The following WDFY1 variants were observed in gnomAD, a reference collection of about 807,000 sequenced individuals.
WDFY1 encodes WD repeat and FYVE domain-containing protein 1.
In WDFY1, 32 loss-of-function variants were observed where a neutral mutation model predicts 56.4. The observed-to-expected ratio is 0.57, with a 90% CI of 0.43 to 0.76. WDFY1 has a LOEUF of 0.76. Ranked by LOEUF, WDFY1 falls within the 30% of genes least tolerant of loss-of-function variation. WDFY1 has a pLI of 0.00. For missense variants in WDFY1, 480 were observed against 545.7 expected (o/e 0.88, Z 1.20); for synonymous variants, 192 against 197.3 (o/e 0.97, Z 0.23).
intron 6 of WDFY1, among the ~76,000 whole-genome samples, chr2:223,895,932 C>T (rs765486276): frequency 6.6e-6 from 1 of 151,638 alleles, no homozygotes; most frequent in African/African-American, 2.4e-5. Flanking sequence ...CCAAGGAGGG[C>T]GAATCACTTG....
chr2:223,936,397 G>A (rs1300747827), intron 1 of WDFY1, among the ~76,000 whole-genome samples: 1 of 152,068 alleles, frequency 6.6e-6, no homozygotes, highest in East Asian at 1.9e-4. Flanking sequence ...TAAATAAGGA[G>A]CTAATGAAAG....
intron 1 of WDFY1, among the ~76,000 whole-genome samples, chr2:223,938,734 G>C (rs1478435928): frequency 6.6e-6 from 1 of 151,964 alleles, no homozygotes; most frequent in African/African-American, 2.4e-5. Flanking sequence ...TTGGAGTGCT[G>C]ACCGTATCTA....
At position 223,876,928 on chromosome 2, in the gene WDFY1, C is replaced by T. The variant is rs1692982200; in HGVS notation, c.*1743G>A. On this transcript the variant is annotated 3_prime_UTR_variant, in exon 12 of 12. Coordinates refer to ENST00000233055, the MANE Select transcript of WDFY1 (RefSeq NM_020830.5). ...CTTAACATTCAACATTGTGCTTGAA[C>T]AAAACTTACCACTACTCAATTTTTC... The T allele has an allele frequency of 6.6e-6, 1 of 152,152 alleles. No individual in the cohort carries two copies. The highest frequency in any genetic ancestry group is 1.5e-5 in the Non-Finnish European group (1 of 68,026). 9.4% of individuals were successfully genotyped at this position (152,152 alleles called of 1,614,324 possible).
In WDFY1 at chr2:223,884,863, T is replaced by TTTTC. The variant is rs1693145374; in HGVS notation, c.832-115_832-114insGAAA. 3.8e-6 allele frequency: 3 copies of TTTTC among 790,600 alleles called. No homozygotes were observed. In the African/African-American group the frequency reaches 5.2e-5, roughly 14 times the overall value. The allele number at this position is 790,600 out of a possible 1,614,324, so 49.0% of individuals were successfully genotyped here. A position where few individuals can be genotyped will look rare whatever the true frequency, so the allele number is the denominator to read the frequency against. ...AAGGTTAGTATTTCTTTTCTTCTTT[T>TTTTC]TTTTTTTTTTTTGGTCTCCCAGGCT... On this transcript the variant is annotated intron_variant, in intron 8 of 11. Coordinates refer to ENST00000233055, the MANE Select transcript of WDFY1 (RefSeq NM_020830.5).
At chr2:223,909,942 C>T (rs2106087575) in intron 3 of WDFY1, among the ~76,000 whole-genome samples, 1 of 152,344 alleles carries the variant, frequency 6.6e-6, no homozygotes, top group African/African-American at 2.4e-5. Context: ...TTAACAGCTT[C>T]TCACTGCAAT....
intron 2 of WDFY1, among the ~76,000 whole-genome samples, chr2:223,913,714 AT>A (rs1693741134): frequency 6.6e-6 from 1 of 152,008 alleles, no homozygotes; most frequent in African/African-American, 2.4e-5. Context: ...CTTCTTTTCA[AT>A]TTTTTTAATG....
chr2:223,917,654 A>T (rs1277798300), intron 2 of WDFY1, among the ~76,000 whole-genome samples: 1 of 151,802 alleles, frequency 6.6e-6, no homozygotes, highest in African/African-American at 2.4e-5. Context: ...ACCCATTGCA[A>T]CCTCCAACTC....
chr2:223,894,211 C>T (rs375388323), intron 8 of WDFY1, 23 bp downstream of exon 8: 363 of 1,613,410 alleles, frequency 2.2e-4, no homozygotes, highest in Non-Finnish European at 2.9e-4. Flanking sequence ...CCCGATCAGC[C>T]TGGACTTGCC....
At chr2:223,930,573 C>T (rs1020462210) in intron 1 of WDFY1, among the ~76,000 whole-genome samples, 2 of 152,228 alleles carry the variant, frequency 1.3e-5, no homozygotes, top group South Asian at 2.1e-4. Context: ...TCACGTGATC[C>T]GCCCTCCTTG....
intron 1 of WDFY1, among the ~76,000 whole-genome samples, chr2:223,922,787 C>G (rs915532295): frequency 5.7e-4 from 87 of 152,312 alleles, no homozygotes; most frequent in Non-Finnish European, 8.1e-4. Context: ...AAGGTTGTCT[C>G]TTCCAACCAA....
intron 10 of WDFY1, 58 bp downstream of exon 10, chr2:223,881,884 G>C (rs1693079312): frequency 6.3e-7 from 1 of 1,589,928 alleles, no homozygotes; most frequent in African/African-American, 1.3e-5. Flanking sequence ...TCACATTTCA[G>C]AGAACCATTA....
intron 11 of WDFY1, 123 bp from the exon 12 acceptor site, chr2:223,878,853 T>G: frequency 8.2e-7 from 1 of 1,225,642 alleles, no homozygotes; most frequent in Non-Finnish European, 1.1e-6. Flanking sequence ...AATTTTCTCA[T>G]TCTCCTCTTT....
chr2:223,918,978 G>A (rs1044707456), intron 1 of WDFY1, among the ~76,000 whole-genome samples: 1 of 152,170 alleles, frequency 6.6e-6, no homozygotes, highest in African/African-American at 2.4e-5. Context: ...AATGACAAAC[G>A]ACCAAAATAG....
intron 8 of WDFY1, among the ~76,000 whole-genome samples, chr2:223,885,451 C>T (rs941505938): frequency 6.6e-6 from 1 of 152,108 alleles, no homozygotes; most frequent in Non-Finnish European, 1.5e-5. Context: ...TCTGCCTCAG[C>T]CCCACAAAGC....
intron 1 of WDFY1, among the ~76,000 whole-genome samples, chr2:223,933,898 G>A (rs1694123453): frequency 7.6e-6 from 1 of 132,444 alleles, no homozygotes; most frequent in Non-Finnish European, 1.6e-5. Context: ...GGAGGTGGAG[G>A]CTACAGTGAG....
At chr2:223,911,569 CACACACACACACA>C (rs1559169920) in intron 3 of WDFY1, among the ~76,000 whole-genome samples, 6 of 18,356 alleles carry the variant, frequency 3.3e-4, no homozygotes, top group South Asian at 1.5e-3. Context: ...TGAATGACCA[CACACACACACACA>C]CACACACACA....
rs188427327 is a variant in WDFY1 at position 223,923,762 on chromosome 2, A to G, written c.138-5752T>C. On this transcript the variant is annotated intron_variant, in intron 1 of 11. Transcript: ENST00000233055. ...GGCGACAGAGCAAGACTCCGTCTCA[A>G]AAAAAAAAAATAAATAAATAAACCG... 8.9e-3 allele frequency among the ~76,000 whole-genome samples: 1,344 copies of G among 151,654 alleles called. 21 individuals are homozygous for G. The highest frequency in any genetic ancestry group is 0.03 in the African/African-American group (1,253 of 41,152).
intron 4 of WDFY1, among the ~76,000 whole-genome samples, chr2:223,905,361 A>G (rs1693579268): frequency 1.3e-5 from 2 of 152,164 alleles, no homozygotes; most frequent in African/African-American, 4.8e-5. Context: ...AAATAATCGG[A>G]ATTATAGAAT....
rs1314903256 is a variant in WDFY1, at chr2:223,877,374, C to T, written c.*1297G>A. On this transcript the variant is annotated 3_prime_UTR_variant, in exon 12 of 12. Transcript: ENST00000233055. ...TACTGTTGCTATTTTTATATTTGTC[C>T]TTTAAAAAGGTAGGCCCTTCTCCAC... 1 of 151,520 alleles carries T rather than the reference C, an allele frequency of 6.6e-6. No homozygotes were observed. The highest frequency in any genetic ancestry group is 1.9e-4 in the East Asian group (1 of 5,176). The allele number at this position is 151,520 out of a possible 1,614,324, so 9.4% of individuals were successfully genotyped here. A position where few individuals can be genotyped will look rare whatever the true frequency, so the allele number is the denominator to read the frequency against.
Sources: allele counts gnomAD v4.1 joint callset (sites outside exome capture counted in the v4.1 genomes callset), GRCh38; gene constraint gnomAD v4.1.1; transcripts MANE v1.5; gene names NCBI Gene and HGNC (gene_info 2026-07-23, HGNC 2026-07-21).